Variants in VEZT observed in about 807,000 individuals in gnomAD.
The protein encoded by VEZT is vezatin.
A neutral mutation model predicts 79.9 loss-of-function variants in VEZT; 39 were observed. The ratio of observed to expected loss-of-function variants is 0.49; its 90% CI spans 0.38 to 0.64. The LOEUF (loss-of-function observed/expected upper bound fraction) is 0.64, where lower values mean the gene tolerates loss of function less well. Ranked by LOEUF, VEZT falls within the 30% of genes least tolerant of loss-of-function variation. The pLI, the probability that VEZT is intolerant of heterozygous loss-of-function variation, is 0.00. For missense variants in VEZT, 837 were observed against 893.1 expected (o/e 0.94, Z 0.80); for synonymous variants, 325 against 327.6 (o/e 0.99, Z 0.09).
chr12:95,298,123 A>T (rs1485337359), intron 11 of VEZT, among the ~76,000 whole-genome samples: 2 of 149,750 alleles, frequency 1.3e-5, no homozygotes, highest in Non-Finnish European at 3.0e-5. Flanking sequence ...CTCTCTCAAA[A>T]AATAATAATA....
intron 1 of VEZT, chr12:95,224,372 GT>G (rs2058103735): frequency 2.5e-6 from 1 of 405,648 alleles, no homozygotes; most frequent in Non-Finnish European, 4.9e-6. Context: ...GGAATGCAGT[GT>G]TAACCATCAT....
intron 7 of VEZT, among the ~76,000 whole-genome samples, chr12:95,276,995 C>T (rs529610339): frequency 2.0e-5 from 3 of 152,016 alleles, no homozygotes; most frequent in South Asian, 4.1e-4. Flanking sequence ...TAAACCCATC[C>T]ACTTTTTTCT....
At chr12:95,298,770 T>G (rs1049685423) in intron 11 of VEZT, 3 of 152,234 alleles carry the variant, frequency 2.0e-5, no homozygotes, top group African/African-American at 7.2e-5. Context: ...TATATGTTGC[T>G]TCCTTTAAGA....
At chr12:95,233,299 T>C (rs2059533666) in intron 1 of VEZT, among the ~76,000 whole-genome samples, 1 of 152,082 alleles carries the variant, frequency 6.6e-6, no homozygotes, top group South Asian at 2.1e-4. Context: ...AAGGATCAGC[T>C]CTCCCTTAAT....
At chr12:95,298,123 AAATAATAATAAT>A (rs557389826) in intron 11 of VEZT, among the ~76,000 whole-genome samples, 1 of 149,780 alleles carries the variant, frequency 6.7e-6, no homozygotes, top group African/African-American at 2.4e-5. Flanking sequence ...CTCTCTCAAA[AAATAATAATAAT>A]AATAATAATA....
intron 1 of VEZT, among the ~76,000 whole-genome samples, chr12:95,241,076 C>G (rs2060946612): frequency 6.6e-6 from 1 of 152,044 alleles, no homozygotes; most frequent in Non-Finnish European, 1.5e-5. Flanking sequence ...TGCTGTGTTG[C>G]CCAGGCTGGA....
intron 7 of VEZT, among the ~76,000 whole-genome samples, chr12:95,280,526 C>T (rs1593958893): frequency 1.2e-5 from 1 of 85,368 alleles, no homozygotes; most frequent in African/African-American, 7.1e-5. Flanking sequence ...CATATGTGTA[C>T]ACACACACAC....
At chr12:95,277,784 C>T (rs1417851162) in intron 7 of VEZT, among the ~76,000 whole-genome samples, 1 of 152,136 alleles carries the variant, frequency 6.6e-6, no homozygotes, top group Non-Finnish European at 1.5e-5. Context: ...ATATTAAATA[C>T]CTAGAACAGG....
intron 1 of VEZT, among the ~76,000 whole-genome samples, chr12:95,233,648 C>A (rs1408690227): frequency 6.6e-6 from 1 of 151,990 alleles, no homozygotes; most frequent in East Asian, 1.9e-4. Flanking sequence ...GTGATCCCCC[C>A]ACCTCGGCCT....
At chr12:95,259,990 G>A (rs574909362) in intron 3 of VEZT, among the ~76,000 whole-genome samples, 4 of 151,816 alleles carry the variant, frequency 2.6e-5, no homozygotes, top group Admixed American at 1.3e-4. Context: ...TTTCCTCTAC[G>A]TGAGGCAATC....
chr12:95,282,482 T>G lies in VEZT; in HGVS notation c.1166T>G (p.Leu389Trp), dbSNP rs2069433561. The G allele has an allele frequency of 1.2e-6, 2 of 1,614,008 alleles. No homozygotes were observed. The highest frequency in any genetic ancestry group is 8.5e-7 in the Non-Finnish European group (1 of 1,179,890). ...CTACCTCATGCTCATTCTGCCTGTT[T>G]GGAAGAGCTTAAGCGCAGCTATGAG... The part of the protein sequence containing the change: ...QGLPHAHSAC[L>W]EELKRSYEFY... Residue 389 changes from leucine to tryptophan, a missense_variant, in exon 8 of 12, where the codon TTG becomes TGG. By Grantham distance (61) the Leu-to-Trp change is moderately conservative. Coordinates refer to ENST00000436874, the MANE Select transcript of VEZT (RefSeq NM_017599.4).
In VEZT at chr12:95,300,793, C is replaced by T. The variant is rs911510328; in HGVS notation, c.*120C>T. ...TATATAAAGCTAAGATGTGGATTTACAGGAAGAACCCTGGTTTGAATAACT... is the reference window on the plus strand; with the variant it reads ...TATATAAAGCTAAGATGTGGATTTATAGGAAGAACCCTGGTTTGAATAACT... On this transcript the variant is annotated 3_prime_UTR_variant, in exon 12 of 12. Transcript: ENST00000436874. 2.5e-5 allele frequency: 33 copies of T among 1,310,308 alleles called. No individual in the cohort carries two copies. The African/African-American group carries it at 4.6e-4, about 18-fold the overall frequency. The allele number at this position is 1,310,308 out of a possible 1,614,324, so 81.2% of individuals were successfully genotyped here. A position where few individuals can be genotyped will look rare whatever the true frequency, so the allele number is the denominator to read the frequency against.
At chr12:95,250,194 T>C (rs1242692597) in intron 1 of VEZT, among the ~76,000 whole-genome samples, 2 of 148,736 alleles carry the variant, frequency 1.3e-5, no homozygotes, top group African/African-American at 2.5e-5. Flanking sequence ...TAGGTATATC[T>C]CCTAATGCTA....
chr12:95,237,211 T>C (rs1387334503), intron 1 of VEZT, among the ~76,000 whole-genome samples: 1 of 152,202 alleles, frequency 6.6e-6, no homozygotes, highest in Non-Finnish European at 1.5e-5. Flanking sequence ...CCTTGTGACC[T>C]TGGGCAAGTT....
intron 8 of VEZT, among the ~76,000 whole-genome samples, chr12:95,284,923 A>G (rs1286904303): frequency 6.6e-6 from 1 of 151,900 alleles, no homozygotes. Flanking sequence ...ATCTCTACTA[A>G]AAATACAAAA....
chr12:95,271,515 A>G (rs1031799766), intron 6 of VEZT, among the ~76,000 whole-genome samples: 2 of 152,228 alleles, frequency 1.3e-5, no homozygotes, highest in African/African-American at 4.8e-5. Context: ...CAGAGAATGA[A>G]TAGAAGTTGG....
intron 9 of VEZT, among the ~76,000 whole-genome samples, chr12:95,292,551 T>A (rs1357501049): frequency 2.0e-5 from 3 of 150,370 alleles, no homozygotes. Flanking sequence ...AACTGTAATT[T>A]TTTTTTTTTT....
chr12:95,295,495 G>T (rs929566039), intron 10 of VEZT, among the ~76,000 whole-genome samples: 1 of 152,110 alleles, frequency 6.6e-6, no homozygotes, highest in Non-Finnish European at 1.5e-5. Flanking sequence ...TTCTAAGTCC[G>T]ATCTGATGCA....
intron 2 of VEZT, among the ~76,000 whole-genome samples, chr12:95,256,038 C>G (rs934601544): frequency 5.3e-5 from 8 of 152,032 alleles, no homozygotes; most frequent in African/African-American, 1.9e-4. Flanking sequence ...ATCCTCTTCC[C>G]TTGACTGAAG....
Sources: gnomAD v4.1 joint callset for allele counts (sites outside exome capture counted in the v4.1 genomes callset) on GRCh38, gnomAD v4.1.1 for gene constraint, MANE v1.5 for transcripts, NCBI Gene and HGNC (gene_info 2026-07-23, HGNC 2026-07-21) for gene names.